Variants in SLC9A9 observed in about 807,000 individuals in gnomAD.
The protein encoded by SLC9A9 is sodium/hydrogen exchanger 9.
SLC9A9 carries 62 observed loss-of-function variants against 77.8 expected under a neutral mutation model. The observed-to-expected ratio is 0.80, with a 90% CI of 0.65 to 0.98. The LOEUF (loss-of-function observed/expected upper bound fraction) is 0.98, where lower values mean the gene tolerates loss of function less well. Ranked by LOEUF, SLC9A9 falls within the 50% of genes least tolerant of loss-of-function variation. The pLI is 0.00. For synonymous variants in SLC9A9, 320 were observed against 283.5 expected, an observed-to-expected ratio of 1.13 and a Z score of -1.29; for missense variants, 775 against 774.9, an observed-to-expected ratio of 1.00 and a Z score of 0.00.
chr3:143,339,420 C>T (rs549969917), intron 14 of SLC9A9, among the ~76,000 whole-genome samples: 1 of 152,104 alleles, frequency 6.6e-6, no homozygotes, highest in Non-Finnish European at 1.5e-5. Context: ...GCTTACCTAC[C>T]CAGCTCAAGC....
intron 12 of SLC9A9, among the ~76,000 whole-genome samples, chr3:143,406,975 C>T (rs556454721): frequency 1.9e-5 from 2 of 104,450 alleles, no homozygotes; most frequent in African/African-American, 7.4e-5. Context: ...AACTCCATCT[C>T]GAGAAAAAAA....
intron 4 of SLC9A9, among the ~76,000 whole-genome samples, chr3:143,723,586 A>G (rs1305435051): frequency 6.6e-6 from 1 of 152,262 alleles, no homozygotes; most frequent in Non-Finnish European, 1.5e-5. Flanking sequence ...TGTATTTTCA[A>G]TAACATTTTC....
intron 6 of SLC9A9, chr3:143,627,205 T>A (rs1286365581): frequency 1.3e-5 from 2 of 152,642 alleles, no homozygotes; most frequent in African/African-American, 4.8e-5. Context: ...TAAGGAGATT[T>A]GGGATTTCTT....
intron 6 of SLC9A9, among the ~76,000 whole-genome samples, chr3:143,614,676 C>A (rs2038075593): frequency 6.6e-6 from 1 of 152,052 alleles, no homozygotes; most frequent in Admixed American, 6.5e-5. Context: ...CAGATATAAA[C>A]CACAGTTAGG....
At chr3:143,702,127 AT>A (rs1933821611) in intron 4 of SLC9A9, among the ~76,000 whole-genome samples, 1 of 152,182 alleles carries the variant, frequency 6.6e-6, no homozygotes, top group Non-Finnish European at 1.5e-5. Context: ...AAGCTGAAAA[AT>A]TTCATCAACA....
In SLC9A9 at chr3:143,725,665, T is replaced by C. The variant is rs1187440557; in HGVS notation, c.534-32358A>G. 1.4e-4 allele frequency among the ~76,000 whole-genome samples: 19 copies of C among 131,674 alleles called. No homozygotes were observed. In the South Asian group the frequency reaches 2.9e-3, roughly 20 times the overall value. The allele number at this position is 131,674 out of a possible 152,430, so 86.4% of individuals were successfully genotyped here. Reference sequence around the variant, plus strand: ...AAAACCAAACACCGCATGTTCTCACTCATAGATGGGAATTGAACAATGAGA... The same window carrying C: ...AAAACCAAACACCGCATGTTCTCACCCATAGATGGGAATTGAACAATGAGA... On this transcript the variant is annotated intron_variant, in intron 4 of 15. Coordinates refer to ENST00000316549, the MANE Select transcript of SLC9A9 (RefSeq NM_173653.4).
chr3:143,698,805 T>C (rs62267209), intron 4 of SLC9A9, among the ~76,000 whole-genome samples: 71,170 of 151,944 alleles, frequency 0.47, 16,987 homozygotes, highest in South Asian at 0.61. Flanking sequence ...AGTTTGGAGA[T>C]AAAGCTGTGT....
chr3:143,696,532 T>A (rs1232034132), intron 4 of SLC9A9, among the ~76,000 whole-genome samples: 2 of 152,214 alleles, frequency 1.3e-5, no homozygotes, highest in Non-Finnish European at 2.9e-5. Context: ...GTCATGGCAT[T>A]AGCAGAGAAA....
chr3:143,577,268 T>G (rs555529176), intron 7 of SLC9A9, among the ~76,000 whole-genome samples: 24 of 152,252 alleles, frequency 1.6e-4, no homozygotes, highest in African/African-American at 5.3e-4. Flanking sequence ...CCTCCATTTC[T>G]CACTAGCTGG....
intron 4 of SLC9A9, among the ~76,000 whole-genome samples, chr3:143,703,565 G>A (rs1048661992): frequency 7.2e-5 from 11 of 151,896 alleles, no homozygotes; most frequent in Admixed American, 2.6e-4. Flanking sequence ...TACAGCAAAA[G>A]CAGTACTAAG....
intron 11 of SLC9A9, among the ~76,000 whole-genome samples, chr3:143,490,931 A>G (rs971531555): frequency 6.6e-6 from 1 of 152,188 alleles, no homozygotes; most frequent in African/African-American, 2.4e-5. Flanking sequence ...ATCAATATTA[A>G]CTTTTATTAA....
At chr3:143,640,019 C>CTTTTTTTTTTTTTTT (rs10575577) in intron 6 of SLC9A9, among the ~76,000 whole-genome samples, 100 of 124,116 alleles carry the variant, frequency 8.1e-4, no homozygotes, top group East Asian at 1.4e-3. Flanking sequence ...CTTTTTTTTT[C>CTTTTTTTTTTTTTTT]TTTTTTTTTT....
At chr3:143,454,863 C>T (rs187886174) in intron 12 of SLC9A9, among the ~76,000 whole-genome samples, 187 of 152,338 alleles carry the variant, frequency 1.2e-3, no homozygotes, top group Non-Finnish European at 1.9e-3. Context: ...TTCCTTGCCA[C>T]GTAGCCACTT....
At chr3:143,388,894 G>A (rs761713921) in intron 12 of SLC9A9, among the ~76,000 whole-genome samples, 8 of 152,198 alleles carry the variant, frequency 5.3e-5, no homozygotes, top group Non-Finnish European at 8.8e-5. Context: ...AATTAGGTAC[G>A]TTTCACAGAG....
At chr3:143,346,249 T>A (rs2032270551) in intron 14 of SLC9A9, among the ~76,000 whole-genome samples, 1 of 152,134 alleles carries the variant, frequency 6.6e-6, no homozygotes, top group African/African-American at 2.4e-5. Context: ...GATTATTCTA[T>A]AAAAAGAACT....
intron 9 of SLC9A9, chr3:143,503,633 T>G (rs1284452503): frequency 2.2e-6 from 1 of 451,942 alleles, no homozygotes; most frequent in Non-Finnish European, 4.4e-6. Flanking sequence ...GCCCATGCCT[T>G]GGCAGTGCCA....
At position 143,784,574 on chromosome 3, in the gene SLC9A9, GT is replaced by G. The variant is rs576855648; in HGVS notation, c.533+10426del. 9.5e-3 allele frequency among the ~76,000 whole-genome samples: 1,438 copies of G among 150,604 alleles called. 19 individuals are homozygous for G. The highest frequency in any genetic ancestry group is 0.033 in the African/African-American group (1,342 of 40,804). ...GGGTTTTACCATGTTGCCCTGGCTG[GT>G]CTCTAACTCCTGGGCTCAAGTGCTC... On this transcript the variant is annotated intron_variant, in intron 4 of 15. Transcript: ENST00000316549.
rs577209522 is a variant in SLC9A9 at position 143,364,502 on chromosome 3, G to A, written c.1525-939C>T. ...GTCTTCTGAGGATGTAATGACCCAC[G>A]GAAGACAATGAAAGTCTACTGGATG... On this transcript the variant is annotated intron_variant, in intron 13 of 15. Transcript: ENST00000316549. 1.4e-4 allele frequency among the ~76,000 whole-genome samples: 22 copies of A among 152,234 alleles called. No individual in the cohort carries two copies. In the East Asian group the frequency reaches 1.7e-3, roughly 12 times the overall value.
intron 3 of SLC9A9, 96 bp downstream of exon 3, chr3:143,796,730 C>T: frequency 2.5e-6 from 2 of 815,570 alleles, no homozygotes; most frequent in Admixed American, 2.7e-5. Flanking sequence ...ATACTCTTAC[C>T]AAATAGAGAA....
Sources: allele counts gnomAD v4.1 joint callset (sites outside exome capture counted in the v4.1 genomes callset), GRCh38; gene constraint gnomAD v4.1.1; transcripts MANE v1.5; gene names NCBI Gene and HGNC (gene_info 2026-07-23, HGNC 2026-07-21).